Variants in CCSER2 observed in about 807,000 individuals in gnomAD.
CCSER2 encodes the protein serine-rich coiled-coil domain-containing protein 2.
A neutral mutation model predicts 92.3 loss-of-function variants in CCSER2; 46 were observed. The observed-to-expected ratio is 0.50, with a 90% CI of 0.39 to 0.64. CCSER2 has a LOEUF of 0.64. Ranked by LOEUF, CCSER2 falls within the 30% of genes least tolerant of loss-of-function variation. The pLI is 0.00. For synonymous variants in CCSER2, 433 were observed against 431.4 expected (o/e 1.00, Z -0.04); for missense variants, 1,244 against 1,238.9 (o/e 1.00, Z -0.06).
Position 84,470,399 on chromosome 10 carries a change from C to A in CCSER2, c.2176C>A (p.Gln726Lys). 2 of 1,368,140 alleles carry A rather than the reference C, an allele frequency of 1.5e-6. No individual in the cohort carries two copies. Among genetic ancestry groups the A allele is most frequent in the East Asian group, 2.7e-5 (1 of 37,050 alleles). The allele number at this position is 1,368,140 out of a possible 1,614,324, so 84.8% of individuals were successfully genotyped here. A position where few individuals can be genotyped will look rare whatever the true frequency, so the allele number is the denominator to read the frequency against. ...KNEDLLNEIK[Q>K]LKDEIKKKDE... ...TGAAGATTTATTAAATGAAATAAAA[C>A]AACTTAAAGACGAAATAAAGAAAAA... The change falls in exon 8 of 10, where the codon CAA (glutamine) becomes AAA (lysine). Residue 726 changes from glutamine (Q) to lysine (K), a missense_variant. Gln to Lys is a moderately conservative substitution (Grantham distance 53). Coordinates refer to ENST00000372088, the MANE Select transcript of CCSER2 (RefSeq NM_001284240.2).
At chr10:84,366,796 T>C (rs951087212) in intron 1 of CCSER2, among the ~76,000 whole-genome samples, 2 of 152,168 alleles carry the variant, frequency 1.3e-5, no homozygotes, top group Non-Finnish European at 2.9e-5. Context: ...TGGTTTTTAA[T>C]CAGTAGAATG....
intron 3 of CCSER2, among the ~76,000 whole-genome samples, chr10:84,395,182 C>T (rs1841762171): frequency 6.7e-6 from 1 of 149,928 alleles, no homozygotes; most frequent in Non-Finnish European, 1.5e-5. Context: ...CATGATTGCG[C>T]CACTGCACTC....
intron 8 of CCSER2, among the ~76,000 whole-genome samples, chr10:84,475,599 A>C (rs1847091942): frequency 6.6e-6 from 1 of 152,194 alleles, no homozygotes; most frequent in African/African-American, 2.4e-5. Flanking sequence ...AAATAATCCC[A>C]AATCAAAAGT....
intron 5 of CCSER2, among the ~76,000 whole-genome samples, chr10:84,436,104 C>T (rs1223474532): frequency 1.3e-5 from 2 of 151,694 alleles, no homozygotes; most frequent in Non-Finnish European, 2.9e-5. Context: ...GCGAGGCGGG[C>T]GAATCACGAG....
chr10:84,461,733 T>TAAC (rs1297159870), intron 6 of CCSER2, among the ~76,000 whole-genome samples: 1 of 152,082 alleles, frequency 6.6e-6, no homozygotes, highest in African/African-American at 2.4e-5. Flanking sequence ...AGAATTTTAA[T>TAAC]AACAGCTCTG....
intron 9 of CCSER2, among the ~76,000 whole-genome samples, 182 bp downstream of exon 9, chr10:84,477,846 G>T (rs1847244717): frequency 6.6e-6 from 1 of 152,078 alleles, no homozygotes; most frequent in South Asian, 2.1e-4. Context: ...TCTCTTGTGT[G>T]TCTTATGTAA....
chr10:84,377,805 T>C (rs1042222528), intron 3 of CCSER2, among the ~76,000 whole-genome samples: 1 of 152,186 alleles, frequency 6.6e-6, no homozygotes, highest in African/African-American at 2.4e-5. Flanking sequence ...TTTGTACTTT[T>C]CTATAAAATG....
intron 9 of CCSER2, among the ~76,000 whole-genome samples, chr10:84,498,374 A>G (rs1229790116): frequency 6.6e-6 from 1 of 152,214 alleles, no homozygotes; most frequent in Non-Finnish European, 1.5e-5. Context: ...AAAAAAGTAT[A>G]ATAATTTCAA....
At chr10:84,329,194 A>C (rs1384931284) in intron 1 of CCSER2, among the ~76,000 whole-genome samples, 1 of 151,948 alleles carries the variant, frequency 6.6e-6, no homozygotes, top group East Asian at 1.9e-4. Flanking sequence ...TTTTTCTTTC[A>C]ATTACTGGGC....
At chr10:84,485,139 T>G (rs767548048) in intron 9 of CCSER2, among the ~76,000 whole-genome samples, 46 of 152,244 alleles carry the variant, frequency 3.0e-4, no homozygotes, top group Non-Finnish European at 5.4e-4. Context: ...TTTTTTATTT[T>G]TCAACCAATT....
rs775172725 is a variant in CCSER2 at position 84,513,899 on chromosome 10, T to C, written c.2776T>C (p.Ser926Pro). 2 of 1,536,492 alleles carry C rather than the reference T, an allele frequency of 1.3e-6. No individual in the cohort carries two copies. The highest frequency in any genetic ancestry group is 2.4e-5 in the South Asian group (2 of 84,066). The part of the protein sequence containing the change: ...QPKSLQLLKP[S>P]ILSSLVPPPV... ...CAAGTCCTTGCAGCTTTTAAAGCCA[T>C]CCATATTGAGTTCTTTGGTACCGCC... is the stretch of plus-strand genomic sequence containing the variant. Residue 926 changes from serine to proline, a missense_variant, in exon 10 of 10, where the codon TCC (serine) becomes CCC (proline). Transcript: ENST00000372088.
chr10:84,335,396 C>A (rs1843780442), intron 1 of CCSER2, among the ~76,000 whole-genome samples: 1 of 151,588 alleles, frequency 6.6e-6, no homozygotes, highest in African/African-American at 2.4e-5. Flanking sequence ...GCATGTACCA[C>A]CATGCCTGGC....
rs1247222133 is a variant in CCSER2 at position 84,373,830 on chromosome 10, A to G, written c.1614+15A>G. 33 of 1,613,258 alleles carry G rather than the reference A, an allele frequency of 2.0e-5. No individual in the cohort carries two copies. In the East Asian group the frequency reaches 7.4e-4, roughly 36 times the overall value. ...TGAACAGCATAGTATGTATGGATTT[A>G]TATACTCTTGGAATATTTTGTTTAC... On this transcript the variant is annotated intron_variant, in intron 3 of 9. Transcript: ENST00000372088.
In CCSER2 at chr10:84,441,736, G is replaced by GTTTTT. The variant is rs869280119; in HGVS notation, c.2064+3065_2064+3069dup. ...GAATAAAGTAGAAGACTGGGAAAAT[G>GTTTTT]TTTTTTTTTTTTTTTTTTTTTTTTT... is the stretch of plus-strand genomic sequence containing the variant. On this transcript the variant is annotated intron_variant, in intron 6 of 9. Transcript: ENST00000372088. 1.1e-3 allele frequency among the ~76,000 whole-genome samples: 47 copies of GTTTTT among 43,628 alleles called. 3 individuals are homozygous for GTTTTT. The highest frequency in any genetic ancestry group is 2.3e-3 in the East Asian group (2 of 868). The allele number at this position is 43,628 out of a possible 152,430, so 28.6% of individuals were successfully genotyped here.
chr10:84,332,410 TTTTA>T (rs1318676288), intron 1 of CCSER2, among the ~76,000 whole-genome samples: 37 of 109,858 alleles, frequency 3.4e-4, no homozygotes, highest in Middle Eastern at 4.4e-3. Context: ...AAATTTATTT[TTTTA>T]TATATATATA....
intron 6 of CCSER2, among the ~76,000 whole-genome samples, chr10:84,441,747 T>A (rs940500800): frequency 2.0e-5 from 1 of 50,492 alleles, no homozygotes; most frequent in Non-Finnish European, 4.3e-5. Flanking sequence ...TTTTTTTTTT[T>A]TTTTTTTTTT....
intron 9 of CCSER2, among the ~76,000 whole-genome samples, chr10:84,494,300 A>C (rs1343537277): frequency 1.3e-5 from 2 of 152,184 alleles, no homozygotes; most frequent in African/African-American, 4.8e-5. Flanking sequence ...ATTTATTATA[A>C]TTAGCATATA....
Position 84,334,678 on chromosome 10 carries a change from A to G in CCSER2, c.-40+5870A>G, listed in dbSNP as rs548943794. On this transcript the variant is annotated intron_variant, in intron 1 of 9. Transcript: ENST00000372088. ...CTTAAAAATGCCACAGATTATTCCA[A>G]ATAATTAAGAATCTCTGTTTTCTTT... 3.3e-5 allele frequency among the ~76,000 whole-genome samples: 5 copies of G among 152,292 alleles called. No individual in the cohort carries two copies. The East Asian group carries it at 9.7e-4, about 29-fold the overall frequency.
At chr10:84,465,044 T>C (rs946054552) in intron 7 of CCSER2, among the ~76,000 whole-genome samples, 2 of 152,100 alleles carry the variant, frequency 1.3e-5, no homozygotes, top group Non-Finnish European at 2.9e-5. Context: ...TTGCCCAGAT[T>C]GCTTCCCAAC....
Sources: gnomAD v4.1 joint callset for allele counts (sites outside exome capture counted in the v4.1 genomes callset) on GRCh38, gnomAD v4.1.1 for gene constraint, MANE v1.5 for transcripts, NCBI Gene and HGNC (gene_info 2026-07-23, HGNC 2026-07-21) for gene names.